Variants in CCDC171 observed in about 807,000 individuals in gnomAD.
CCDC171 encodes coiled-coil domain containing 171.
In CCDC171, 177 loss-of-function variants were observed where a neutral mutation model predicts 168.2. That is an observed-to-expected ratio of 1.05 (90% CI 0.93 to 1.19). The LOEUF is 1.19. Ranked by LOEUF, CCDC171 falls within the 50% of genes most tolerant of loss-of-function variation. CCDC171 has a pLI of 0.00. For synonymous variants in CCDC171, 687 were observed against 540.8 expected, an observed-to-expected ratio of 1.27 and a Z score of -3.75; for missense variants, 1,991 against 1,539.0, an observed-to-expected ratio of 1.29 and a Z score of -4.91.
chr9:15,952,558 C>T (rs539950281), intron 25 of CCDC171, among the ~76,000 whole-genome samples: 11 of 152,110 alleles, frequency 7.2e-5, no homozygotes, highest in African/African-American at 2.2e-4. Context: ...CCACCAAGCC[C>T]GGCTAATTTT....
intron 4 of CCDC171, among the ~76,000 whole-genome samples, chr9:15,586,374 A>G (rs1161424876): frequency 6.6e-6 from 1 of 152,234 alleles, no homozygotes; most frequent in East Asian, 1.9e-4. Flanking sequence ...AGATAATCCC[A>G]TAACAATGGA....
chr9:15,957,008 T>TC (rs1829861239), intron 25 of CCDC171, among the ~76,000 whole-genome samples: 7 of 149,694 alleles, frequency 4.7e-5, no homozygotes, highest in African/African-American at 1.7e-4. Context: ...ACTTGAAATT[T>TC]AACTTTAATC....
chr9:15,780,751 T>C (rs891139032), intron 20 of CCDC171, among the ~76,000 whole-genome samples: 1 of 152,216 alleles, frequency 6.6e-6, no homozygotes, highest in African/African-American at 2.4e-5. Context: ...TAAAGTACTG[T>C]AATCATTTTC....
At chr9:15,675,815 C>G (rs1564189687) in intron 9 of CCDC171, among the ~76,000 whole-genome samples, 1 of 152,120 alleles carries the variant, frequency 6.6e-6, no homozygotes, top group South Asian at 2.1e-4. Context: ...TTTTTTCCTT[C>G]ATTTCAATCT....
intron 21 of CCDC171, among the ~76,000 whole-genome samples, chr9:15,828,841 C>T (rs2060119660): frequency 6.6e-6 from 1 of 152,108 alleles, no homozygotes. Flanking sequence ...AAAAATAGGT[C>T]AGAAAATAGC....
chr9:15,557,738 C>T (rs1470484497), intron 1 of CCDC171, among the ~76,000 whole-genome samples: 1 of 152,068 alleles, frequency 6.6e-6, no homozygotes, highest in African/African-American at 2.4e-5. Flanking sequence ...TTTCTTTCTC[C>T]TGCCTGATTG....
intron 24 of CCDC171, among the ~76,000 whole-genome samples, chr9:15,909,475 C>G (rs1823288766): frequency 6.6e-6 from 1 of 152,084 alleles, no homozygotes; most frequent in Admixed American, 6.6e-5. Flanking sequence ...GTCTGACATC[C>G]TGATATAGTC....
chr9:15,719,042 G>T (rs2053279286), intron 11 of CCDC171, among the ~76,000 whole-genome samples: 2 of 151,984 alleles, frequency 1.3e-5, no homozygotes, highest in East Asian at 1.9e-4. Context: ...TTCAGATAGA[G>T]AATTCAAAAG....
At chr9:15,929,986 T>C (rs1188332195) in intron 25 of CCDC171, among the ~76,000 whole-genome samples, 2 of 151,788 alleles carry the variant, frequency 1.3e-5, no homozygotes, top group Non-Finnish European at 2.9e-5. Context: ...TTTGTCACTG[T>C]ATTTACATGT....
intron 25 of CCDC171, among the ~76,000 whole-genome samples, chr9:15,943,075 T>G (rs1263609228): frequency 2.0e-5 from 3 of 151,932 alleles, no homozygotes; most frequent in Non-Finnish European, 4.4e-5. Context: ...ACTTTTCCCT[T>G]TGAAGATTTT....
intron 23 of CCDC171, among the ~76,000 whole-genome samples, chr9:15,852,424 G>T (rs1179742806): frequency 2.6e-5 from 4 of 151,582 alleles, no homozygotes; most frequent in Non-Finnish European, 5.9e-5. Context: ...TTTAAATTGG[G>T]TTGATTGTCT....
At chr9:16,031,504 T>C (rs1312738746) in intron 6 of CCDC171, among the ~76,000 whole-genome samples, 1 of 152,248 alleles carries the variant, frequency 6.6e-6, no homozygotes, top group Non-Finnish European at 1.5e-5. Flanking sequence ...TGTGATATGC[T>C]AAATTACCTG....
At chr9:15,807,193 A>G (rs1223088527) in intron 21 of CCDC171, among the ~76,000 whole-genome samples, 4 of 152,058 alleles carry the variant, frequency 2.6e-5, no homozygotes, top group African/African-American at 9.7e-5. Context: ...GTTCCTATCC[A>G]TATTCTGAAT....
intron 21 of CCDC171, among the ~76,000 whole-genome samples, chr9:15,792,300 C>G (rs1035493666): frequency 1.3e-5 from 2 of 152,172 alleles, no homozygotes; most frequent in Non-Finnish European, 2.9e-5. Context: ...ACGAACAAAG[C>G]TTCCAAGAAA....
At chr9:15,912,149 A>C (rs775734554) in intron 24 of CCDC171, among the ~76,000 whole-genome samples, 3 of 152,104 alleles carry the variant, frequency 2.0e-5, no homozygotes, top group African/African-American at 4.8e-5. Context: ...CAGTATAGCC[A>C]TTTTCATGGT....
At chr9:16,009,002 T>G (rs1314245319) in intron 3 of CCDC171, among the ~76,000 whole-genome samples, 1 of 152,016 alleles carries the variant, frequency 6.6e-6, no homozygotes, top group Non-Finnish European at 1.5e-5. Flanking sequence ...AAGAAAACCT[T>G]TTCTTCCGCA....
At chr9:15,905,770 T>A (rs1014000060) in intron 24 of CCDC171, among the ~76,000 whole-genome samples, 5 of 152,042 alleles carry the variant, frequency 3.3e-5, no homozygotes, top group Non-Finnish European at 7.4e-5. Context: ...ATTGATAGAC[T>A]GCTAGCAAGA....
intron 23 of CCDC171, among the ~76,000 whole-genome samples, chr9:15,858,819 G>A (rs1012301609): frequency 7.9e-5 from 12 of 151,972 alleles, no homozygotes; most frequent in African/African-American, 2.7e-4. Context: ...AGAAGATCAC[G>A]TCATCTGTAA....
At position 15,721,774 on chromosome 9, in the gene CCDC171, C is replaced by T. The variant is rs747116568; in HGVS notation, c.1324C>T (p.His442Tyr). The part of the protein sequence containing the change: ...TVSGQWTSGI[H>Y]KDKDKPPSFS... The stretch of plus-strand genomic sequence containing the variant: ...CATCCTATATTTTTCTCTAGGCATC[C>T]ACAAGGACAAAGATAAACCTCCCAG... The change falls in exon 12 of 26, where the codon CAC (histidine) becomes TAC (tyrosine). Residue 442 changes from histidine (H) to tyrosine (Y), a missense_variant. Transcript: ENST00000380701. The T allele has an allele frequency of 6.5e-7, 1 of 1,539,920 alleles. No homozygotes were observed. The highest frequency in any genetic ancestry group is 8.8e-7 in the Non-Finnish European group (1 of 1,142,820).
Sources: gnomAD v4.1 joint callset for allele counts (sites outside exome capture counted in the v4.1 genomes callset) on GRCh38, gnomAD v4.1.1 for gene constraint, MANE v1.5 for transcripts, NCBI Gene and HGNC (gene_info 2026-07-23, HGNC 2026-07-21) for gene names.